Variants in DENND6B observed in about 807,000 individuals in gnomAD.
DENND6B encodes protein DENND6B.
Under a neutral mutation model 85.1 loss-of-function variants are expected in DENND6B, and 73 were observed. The ratio of observed to expected loss-of-function variants is 0.86; its 90% confidence interval spans 0.71 to 1.04. The LOEUF (loss-of-function observed/expected upper bound fraction) is 1.04. Among genes scored for constraint, DENND6B ranks in the 50% least tolerant of loss-of-function variants. DENND6B has a pLI of 0.00. For synonymous variants in DENND6B, 357 were observed against 329.3 expected (o/e 1.08, Z -0.91); for missense variants, 715 against 785.8 (o/e 0.91, Z 1.08).
intron 1 of DENND6B, among the ~76,000 whole-genome samples, chr22:50,322,048 A>T (rs1172930202): frequency 6.0e-5 from 2 of 33,222 alleles, no homozygotes; most frequent in Admixed American, 6.7e-4. Flanking sequence ...ACCAATATTA[A>T]AAAAAAAAAA....
intron 1 of DENND6B, among the ~76,000 whole-genome samples, chr22:50,319,689 C>T (rs879826373): frequency 6.6e-6 from 1 of 152,332 alleles, no homozygotes; most frequent in Non-Finnish European, 1.5e-5. Context: ...GGGCCCCGGT[C>T]GTGCTGCTCC....
chr22:50,315,846 G>A (rs1365992725), intron 8 of DENND6B, 77 bp from the exon 9 acceptor site: 20 of 1,473,930 alleles, frequency 1.4e-5, no homozygotes, highest in Non-Finnish European at 1.8e-5. Flanking sequence ...CTGCCTCACA[G>A]CACAGGGGAA....
intron 1 of DENND6B, 156 bp from the exon 2 acceptor site, chr22:50,319,159 G>C: frequency 6.5e-7 from 1 of 1,529,588 alleles, no homozygotes. Flanking sequence ...CCTGCTCCCT[G>C]TTCCAACAGC....
chr22:50,316,397 C>CA lies in DENND6B; in HGVS notation c.531dup (p.Asp178Ter), dbSNP rs1478511209. ...GCTTCCAGGCAGGGCGCCAGCTTGT[C>CA]AAAGTACTCGGGGGCGATGAGGCTT... is the stretch of plus-strand genomic sequence containing the variant. On this transcript the variant is annotated frameshift_variant, in exon 6 of 20. Transcript: ENST00000413817. LOFTEE classifies it high-confidence loss of function. The CA allele has an allele frequency of 1.3e-5, 20 of 1,583,454 alleles. No homozygotes were observed. Among genetic ancestry groups the CA allele is most frequent in the Non-Finnish European group, 1.6e-5 (19 of 1,166,530 alleles).
intron 1 of DENND6B, among the ~76,000 whole-genome samples, chr22:50,319,953 G>C (rs955051649): frequency 6.6e-6 from 1 of 152,218 alleles, no homozygotes; most frequent in African/African-American, 2.4e-5. Context: ...AGGTGGGGCA[G>C]GTGAGCCTGG....
chr22:50,321,303 G>C (rs1028437302), intron 1 of DENND6B, among the ~76,000 whole-genome samples: 9 of 152,126 alleles, frequency 5.9e-5, no homozygotes, highest in African/African-American at 1.9e-4. Flanking sequence ...TGTCCTAGAG[G>C]GCTGAATGCA....
Position 50,314,933 on chromosome 22 carries a change from C to T in DENND6B, c.759-12G>A. The T allele has an allele frequency of 1.9e-6, 3 of 1,607,528 alleles. No homozygotes were observed. Among genetic ancestry groups the T allele is most frequent in the Non-Finnish European group, 2.6e-6 (3 of 1,176,252 alleles). ...CAGGCCGGAAGCACCTGGGGCCGGG[C>T]AGGAAGGTCGGGGAGGTCAGGCAGG... is the stretch of plus-strand genomic sequence containing the variant. On this transcript the variant is annotated splice_polypyrimidine_tract_variant and intron_variant, in intron 9 of 19. Transcript: ENST00000413817.
In DENND6B at chr22:50,309,990, T is replaced by A. The variant is rs2068039304; in HGVS notation, c.*2149A>T. ...CCCCGACACCTTGAAGTGGTGGTCC[T>A]CAGGGGGCTGGTCACCAGCATAAGG... is the stretch of plus-strand genomic sequence containing the variant. On this transcript the variant is annotated 3_prime_UTR_variant, in exon 20 of 20. Transcript: ENST00000413817. 1 of 152,296 alleles carries A rather than the reference T, an allele frequency of 6.6e-6. No individual in the cohort carries two copies. Among genetic ancestry groups the A allele is most frequent in the Non-Finnish European group, 1.5e-5 (1 of 68,076 alleles). The allele number at this position is 152,296 out of a possible 1,614,324, so 9.4% of individuals were successfully genotyped here. A position where few individuals can be genotyped will look rare whatever the true frequency, so the allele number is the denominator to read the frequency against.
At position 50,314,394 on chromosome 22, in the gene DENND6B, C is replaced by G. The variant is rs527533419; in HGVS notation, c.1072+6G>C. 75 of 1,562,868 alleles carry G rather than the reference C, an allele frequency of 4.8e-5. No homozygotes were observed. The South Asian group carries it at 7.9e-4, about 17-fold the overall frequency. ...AGCACCCCCTGCACCTCACCGGGAG[C>G]CTGACCTGACATCTTGGGCTCCCCG... On this transcript the variant is annotated splice_donor_region_variant and intron_variant, in intron 12 of 19. Coordinates refer to ENST00000413817, the MANE Select transcript of DENND6B (RefSeq NM_001001794.4).
chr22:50,322,055 A>G (rs1429155071), intron 1 of DENND6B, among the ~76,000 whole-genome samples: 2 of 150,938 alleles, frequency 1.3e-5, no homozygotes, highest in Non-Finnish European at 2.9e-5. Flanking sequence ...TTAAAAAAAA[A>G]AAACTCTTTG....
At chr22:50,316,293 A>G (rs746102301) in intron 6 of DENND6B, 40 bp from the exon 7 acceptor site, 1 of 1,570,174 alleles carries the variant, frequency 6.4e-7, no homozygotes, top group South Asian at 1.2e-5. Context: ...CTCCCCAAGG[A>G]GAAGCTGCTG....
Position 50,316,163 on chromosome 22 carries a change from C to G in DENND6B, c.639+11G>C. On this transcript the variant is annotated intron_variant, in intron 7 of 19. Coordinates refer to ENST00000413817, the MANE Select transcript of DENND6B (RefSeq NM_001001794.4). The stretch of plus-strand genomic sequence containing the variant: ...CCTGCAGAGCCTACTCCCCAGCCAG[C>G]TGGCTCTCACCTGGACAACAACGCC... The G allele has an allele frequency of 1.2e-6, 2 of 1,612,504 alleles. No homozygotes were observed. The highest frequency in any genetic ancestry group is 1.7e-6 in the Non-Finnish European group (2 of 1,179,864).
chr22:50,325,364 G>T (rs1341879634), intron 1 of DENND6B, among the ~76,000 whole-genome samples: 1 of 137,092 alleles, frequency 7.3e-6, no homozygotes, highest in Non-Finnish European at 1.5e-5. Flanking sequence ...TTGAGATGGA[G>T]TCTCACTTTG....
intron 2 of DENND6B, 25 bp from the exon 3 acceptor site, chr22:50,318,914 G>T: frequency 6.2e-7 from 1 of 1,612,078 alleles, no homozygotes; most frequent in East Asian, 2.2e-5. Context: ...ACCCCGGTGA[G>T]GGCCGACCCA....
intron 1 of DENND6B, among the ~76,000 whole-genome samples, chr22:50,321,718 G>A (rs1402410725): frequency 6.6e-6 from 1 of 152,210 alleles, no homozygotes; most frequent in Non-Finnish European, 1.5e-5. Flanking sequence ...CCAGGCTGGA[G>A]TGCAGTGGTG....
In DENND6B at chr22:50,312,377, AC is replaced by A; in HGVS notation, c.1600del (p.Val534SerfsTer6). 1 of 1,611,604 alleles carries A rather than the reference AC, an allele frequency of 6.2e-7. No homozygotes were observed. Among genetic ancestry groups the A allele is most frequent in the Non-Finnish European group, 8.5e-7 (1 of 1,179,380 alleles). ...ACGAAGTTTCAGGACCAGGTCCACG[AC>A]CTCCACCTCGGACTTGTCTTTCATC... ...TWMKDKSEVE[V>X]VDLVLKLREK... On this transcript the variant is annotated frameshift_variant, in exon 19 of 20. Coordinates refer to ENST00000413817, the MANE Select transcript of DENND6B (RefSeq NM_001001794.4). LOFTEE classifies it high-confidence loss of function.
chr22:50,314,741 G>A, intron 10 of DENND6B, 41 bp from the exon 11 acceptor site: 3 of 1,573,136 alleles, frequency 1.9e-6, no homozygotes, highest in South Asian at 1.2e-5. Flanking sequence ...GGCAGGGGCA[G>A]CCCAGGCACA....
Position 50,322,487 on chromosome 22 carries a change from C to G in DENND6B, c.178-3484G>C, listed in dbSNP as rs183325623. ...TATTCTAACTGACCAGAGTTCACTCCAGAGACCTCTGAGGGAGCTGGGATG... is the reference window on the plus strand; with the variant it reads ...TATTCTAACTGACCAGAGTTCACTCGAGAGACCTCTGAGGGAGCTGGGATG... On this transcript the variant is annotated intron_variant, in intron 1 of 19. Coordinates refer to ENST00000413817, the MANE Select transcript of DENND6B (RefSeq NM_001001794.4). Among the ~76,000 whole-genome samples, 629 of 152,306 alleles carry G rather than the reference C, an allele frequency of 4.1e-3. 4 individuals are homozygous for G. Among genetic ancestry groups the G allele is most frequent in the African/African-American group, 0.013 (558 of 41,562 alleles).
intron 9 of DENND6B, 125 bp downstream of exon 9, chr22:50,315,589 C>T: frequency 2.6e-6 from 3 of 1,176,368 alleles, no homozygotes; most frequent in Non-Finnish European, 3.6e-6. Context: ...CACACGTGCA[C>T]ACGTGCACTC....
Sources: allele counts gnomAD v4.1 joint callset (sites outside exome capture counted in the v4.1 genomes callset), GRCh38; gene constraint gnomAD v4.1.1; transcripts MANE v1.5; gene names NCBI Gene and HGNC (gene_info 2026-07-23, HGNC 2026-07-21).